LIPA: variants seen among roughly 807,000 people sequenced by gnomAD.
LIPA encodes lipase A, lysosomal acid type, also known as lysosomal acid lipase/cholesteryl ester hydrolase.
LIPA carries 26 observed loss-of-function variants against 40.6 expected under a neutral mutation model. The ratio of observed to expected loss-of-function variants is 0.64; its 90% CI spans 0.47 to 0.89. LIPA has a LOEUF of 0.89. LIPA is among the 40% of genes least tolerant of loss of function. The probability of loss-of-function intolerance (pLI) is 0.00; values close to 1 mark genes in which losing one functional copy is unlikely to be tolerated. For synonymous variants in LIPA, 188 were observed against 168.4 expected (o/e 1.12, Z -0.90); for missense variants, 455 against 479.6 (o/e 0.95, Z 0.48).
At chr10:89,366,047 G>T (rs1844054481) in intron 2 of LIPA, among the ~76,000 whole-genome samples, 1 of 152,136 alleles carries the variant, frequency 6.6e-6, no homozygotes, top group Admixed American at 6.5e-5. Context: ...TGGGCAGTAT[G>T]GTCATTTTCA....
rs528697055 is a variant in LIPA, at chr10:89,322,865, G to A, written c.-2+19746C>T. Among the ~76,000 whole-genome samples, 424 of 152,310 alleles carry A rather than the reference G, an allele frequency of 2.8e-3. 1 individual carries two copies. Among genetic ancestry groups the A allele is most frequent in the East Asian group, 2.1e-3 (11 of 5,186 alleles). On this transcript the variant is annotated intron_variant, in intron 1 of 5. Transcript: ENST00000282673. ...CTCCCAGGAAGCACCTGGAGGGCAA[G>A]ACAGGTGACTACATCTACCCCTGCC...
chr10:89,247,972 ATTC>A (rs1443774666), intron 1 of LIPA: 1 of 156,946 alleles, frequency 6.4e-6, no homozygotes, highest in Non-Finnish European at 1.4e-5. Flanking sequence ...GGTTCAAGCA[ATTC>A]TTCTGCCTCA....
At chr10:89,378,753 T>G (rs536531786) in intron 2 of LIPA, among the ~76,000 whole-genome samples, 1 of 152,318 alleles carries the variant, frequency 6.6e-6, no homozygotes, top group African/African-American at 2.4e-5. Context: ...TGAGAATATA[T>G]GTAGAGGCAA....
chr10:89,215,101 GTTGTT>G (rs753849305), intron 9 of LIPA, 40 bp from the exon 10 acceptor site: 3 of 1,455,822 alleles, frequency 2.1e-6, no homozygotes, highest in African/African-American at 1.4e-5. Flanking sequence ...CGTTGTTGTT[GTTGTT>G]TTAATTTTCA....
upstream of LIPA, among the ~76,000 whole-genome samples, chr10:89,254,230 CA>C (rs1843169880): frequency 6.6e-6 from 1 of 152,368 alleles, no homozygotes; most frequent in Admixed American, 6.5e-5. Flanking sequence ...CCCACCCCTG[CA>C]GCAAACTTCT....
chr10:89,347,538 T>TAACTCTGCATGGTCCATCCC (rs1843931011), upstream of LIPA, among the ~76,000 whole-genome samples: 1 of 152,236 alleles, frequency 6.6e-6, no homozygotes, highest in Non-Finnish European at 1.5e-5. Context: ...CTTGCCATGC[T>TAACTCTGCATGGTCCATCCC]AACTCTGCAT....
chr10:89,220,870 T>C (rs1286930296), intron 8 of LIPA, among the ~76,000 whole-genome samples: 1 of 152,252 alleles, frequency 6.6e-6, no homozygotes, highest in East Asian at 1.9e-4. Flanking sequence ...TTTTTAAAAA[T>C]GCAGATCCTC....
intron 2 of LIPA, chr10:89,377,996 G>A (rs1844134582): frequency 2.6e-6 from 2 of 770,178 alleles, no homozygotes; most frequent in Admixed American, 2.4e-5. Context: ...CATCAAGGGT[G>A]TAAAAAACTG....
At chr10:89,330,673 T>C (rs1843640983) in intron 1 of LIPA, among the ~76,000 whole-genome samples, 1 of 152,202 alleles carries the variant, frequency 6.6e-6, no homozygotes, top group Non-Finnish European at 1.5e-5. Flanking sequence ...GGCTCAGTGA[T>C]ATGACTCAAG....
chr10:89,300,605 A>C (rs1376402101), intron 1 of LIPA, among the ~76,000 whole-genome samples: 1 of 152,184 alleles, frequency 6.6e-6, no homozygotes, highest in Non-Finnish European at 1.5e-5. Context: ...GAACATAAGG[A>C]GATGTTAGGA....
intron 1 of LIPA, among the ~76,000 whole-genome samples, chr10:89,334,068 GCACATGTGCAGACAAGAGTGGGGAAAT>G (rs1489186768): frequency 6.6e-6 from 1 of 152,220 alleles, no homozygotes; most frequent in Admixed American, 6.5e-5. Flanking sequence ...GGGACAAGCT[GCACATGTGCAGACAAGAGTGGGGAAAT>G]CCCCACTCTT....
rs765222019 is a variant in LIPA at position 89,306,211 on chromosome 10, T to G, written c.-2+36400A>C. ...CTGAAGAGTTAATCCAGCAAGAGCA[T>G]GCTGACCAGGCAGAAATCAGAAGTC... On this transcript the variant is annotated intron_variant, in intron 1 of 5. Coordinates refer to the LIPA transcript ENST00000282673. The G allele has an allele frequency of 1.9e-6, 3 of 1,614,152 alleles. No homozygotes were observed. Among genetic ancestry groups the G allele is most frequent in the Non-Finnish European group, 2.5e-6 (3 of 1,180,004 alleles).
At chr10:89,251,498 AAG>A (rs10612161) in intron 1 of LIPA, among the ~76,000 whole-genome samples, 89,389 of 151,826 alleles carry the variant, frequency 0.59, 27,024 homozygotes, top group South Asian at 0.74. Context: ...GCGCCCAGGG[AAG>A]AGAGTGGGCT....
At chr10:89,406,797 G>A (rs1841416213) in intron 2 of LIPA, among the ~76,000 whole-genome samples, 1 of 152,188 alleles carries the variant, frequency 6.6e-6, no homozygotes, top group Non-Finnish European at 1.5e-5. Context: ...CTTGAAGTCA[G>A]CGAGACCAAG....
At chr10:89,411,688 G>A (rs565431038) in intron 2 of LIPA, among the ~76,000 whole-genome samples, 21 of 152,264 alleles carry the variant, frequency 1.4e-4, no homozygotes, top group Admixed American at 9.8e-4. Context: ...CTCCAAAATC[G>A]CCAAGGCCTA....
At chr10:89,349,482 T>C (rs892077695) in intron 2 of LIPA, among the ~76,000 whole-genome samples, 1 of 152,236 alleles carries the variant, frequency 6.6e-6, no homozygotes, top group Non-Finnish European at 1.5e-5. Flanking sequence ...GATTCAATTA[T>C]CAAGCCCTCA....
rs571275171 is a variant in LIPA, at chr10:89,272,086, A to T, written c.-1-24437T>A. On this transcript the variant is annotated intron_variant, in intron 1 of 5. Coordinates refer to the LIPA transcript ENST00000282673. ...ACTCTGTCTTAAAAAAAAAAAATTTAAAAAAAACTTTTGTTTTAAGCTCAG... is the reference window on the plus strand; with the variant it reads ...ACTCTGTCTTAAAAAAAAAAAATTTTAAAAAAACTTTTGTTTTAAGCTCAG... 1.9e-4 allele frequency among the ~76,000 whole-genome samples: 29 copies of T among 152,024 alleles called. 1 individual carries two copies. The highest frequency in any genetic ancestry group is 5.8e-4 in the East Asian group (3 of 5,178).
intron 4 of LIPA, among the ~76,000 whole-genome samples, chr10:89,227,448 T>A (rs1324740167): frequency 6.6e-6 from 1 of 152,258 alleles, no homozygotes; most frequent in African/African-American, 2.4e-5. Context: ...AATTCTTGTA[T>A]ATGCCTTTTG....
chr10:89,311,934 G>A lies in LIPA; in HGVS notation c.-2+30677C>T, dbSNP rs555745621. 3.3e-5 allele frequency among the ~76,000 whole-genome samples: 5 copies of A among 152,206 alleles called. No individual in the cohort carries two copies. In the East Asian group the frequency reaches 9.7e-4, roughly 29 times the overall value. ...AAATATTCAAGTGTGGAATCTGTAT[G>A]ACGGAAATCCTCTCCACACCCAGAA... On this transcript the variant is annotated intron_variant, in intron 1 of 5. Coordinates refer to the LIPA transcript ENST00000282673.
Sources: gnomAD v4.1 joint callset for allele counts (sites outside exome capture counted in the v4.1 genomes callset) on GRCh38, gnomAD v4.1.1 for gene constraint, MANE v1.5 for transcripts, NCBI Gene and HGNC (gene_info 2026-07-23, HGNC 2026-07-21) for gene names.